The following KCNQ1 variants were observed in gnomAD, a reference collection of about 807,000 sequenced individuals.
The protein encoded by KCNQ1 is potassium voltage-gated channel subfamily Q member 1.
KCNQ1 carries 49 observed loss-of-function variants against 72.4 expected under a neutral mutation model. The ratio of observed to expected loss-of-function variants is 0.68; its 90% CI spans 0.54 to 0.86. KCNQ1 has a LOEUF of 0.86. Among genes scored for constraint, KCNQ1 ranks in the 40% least tolerant of loss-of-function variants. The pLI is 0.00. For missense variants in KCNQ1, 790 were observed against 945.1 expected (o/e 0.84, Z 2.15); for synonymous variants, 450 against 412.6 (o/e 1.09, Z -1.10).
intron 11 of KCNQ1, among the ~76,000 whole-genome samples, chr11:2,728,301 C>T (rs1845799568): frequency 6.6e-6 from 1 of 152,232 alleles, no homozygotes; most frequent in Non-Finnish European, 1.5e-5. Flanking sequence ...GGTGGCTGTG[C>T]TCTGAGGCCA....
chr11:2,540,616 A>C (rs914765829), intron 2 of KCNQ1, among the ~76,000 whole-genome samples: 32 of 152,230 alleles, frequency 2.1e-4, no homozygotes, highest in African/African-American at 7.7e-4. Flanking sequence ...GGAGGAGTGG[A>C]TGTTCCCTTC....
At chr11:2,584,447 GTGTT>G (rs1238933100) in intron 7 of KCNQ1, among the ~76,000 whole-genome samples, 1 of 151,394 alleles carries the variant, frequency 6.6e-6, no homozygotes, top group Non-Finnish European at 1.5e-5. Context: ...GCGTTAGTTT[GTGTT>G]TGTGTGTGTA....
Position 2,541,586 on chromosome 11 carries a change from C to T in KCNQ1, c.477+13568C>T, listed in dbSNP as rs190246879. On this transcript the variant is annotated intron_variant, in intron 2 of 15. Transcript: ENST00000155840. The surrounding 1 kb of genome is among the most constrained non-coding windows in gnomAD (Gnocchi z 4.8). ...ATTGAGGACAAAGCCATGGGGACGCCGTTTTCGGGATGCTTGTGAGCAGGG... is the reference window on the plus strand; with the variant it reads ...ATTGAGGACAAAGCCATGGGGACGCTGTTTTCGGGATGCTTGTGAGCAGGG... Among the ~76,000 whole-genome samples, 3 of 151,854 alleles carry T rather than the reference C, an allele frequency of 2.0e-5. No homozygotes were observed. Among genetic ancestry groups the T allele is most frequent in the Non-Finnish European group, 4.4e-5 (3 of 67,986 alleles).
intron 10 of KCNQ1, chr11:2,618,387 A>C (rs1189757919): frequency 2.5e-6 from 1 of 398,494 alleles, no homozygotes; most frequent in African/African-American, 2.1e-5. Flanking sequence ...TCCTGGGCTT[A>C]CATGTGGTCT....
intron 6 of KCNQ1, among the ~76,000 whole-genome samples, chr11:2,581,308 A>T (rs1848494940): frequency 6.6e-6 from 1 of 152,184 alleles, no homozygotes; most frequent in Non-Finnish European, 1.5e-5. Context: ...ACCAGGTGGA[A>T]GTCACTCCCC....
At chr11:2,448,345 C>G (rs1846074866) in intron 1 of KCNQ1, among the ~76,000 whole-genome samples, 1 of 152,228 alleles carries the variant, frequency 6.6e-6, no homozygotes, top group African/African-American at 2.4e-5. Context: ...TTCCCTGTTT[C>G]CCAAGAACTT....
At chr11:2,625,481 T>G (rs373939858) in intron 10 of KCNQ1, 8 of 398,606 alleles carry the variant, frequency 2.0e-5, no homozygotes, top group Middle Eastern at 6.3e-4. Flanking sequence ...GGTTTTGACT[T>G]GTATTTCCTA....
At chr11:2,530,349 C>T (rs1295208715) in intron 2 of KCNQ1, among the ~76,000 whole-genome samples, 1 of 152,256 alleles carries the variant, frequency 6.6e-6, no homozygotes, top group South Asian at 2.1e-4. Context: ...GGAGTGGGCA[C>T]GGCATGTCCT....
Position 2,642,134 on chromosome 11 carries a change from ATTT to A in KCNQ1, c.1394-19823_1394-19821del, listed in dbSNP as rs1849590048. On this transcript the variant is annotated intron_variant, in intron 10 of 15. Coordinates refer to ENST00000155840, the MANE Select transcript of KCNQ1 (RefSeq NM_000218.3). This position sits in a 1 kb window ranked among gnomAD's most constrained non-coding sequence, Gnocchi z 4.3. ...TTTTTGGTTCCATCTGAATTTTAGGATTTTTTCTATTTCCATGAAAAATGGCAT... is the reference window on the plus strand; with the variant it reads ...TTTTTGGTTCCATCTGAATTTTAGGATTTCTATTTCCATGAAAAATGGCAT... 5.0e-6 allele frequency: 2 copies of A among 398,020 alleles called. No individual in the cohort carries two copies. The highest frequency in any genetic ancestry group is 8.9e-6 in the Non-Finnish European group (2 of 225,866). 24.7% of individuals were successfully genotyped at this position (398,020 alleles called of 1,614,324 possible).
At position 2,592,520 on chromosome 11, in the gene KCNQ1, G is replaced by T. The variant is rs1168766041; in HGVS notation, c.1393+3666G>T. Among the ~76,000 whole-genome samples the T allele has an allele frequency of 6.6e-6, 1 of 152,200 alleles. No individual in the cohort carries two copies. Among genetic ancestry groups the T allele is most frequent in the Non-Finnish European group, 1.5e-5 (1 of 68,024 alleles). On this transcript the variant is annotated intron_variant, in intron 10 of 15. Transcript: ENST00000155840. This position sits in a 1 kb window ranked among gnomAD's most constrained non-coding sequence, Gnocchi z 5.2. ...TTCTGACCTGGGTGGGGAGGGAGGGGAATGTCAGCAGCCACCCAGCCCGAG... is the reference window on the plus strand; with the variant it reads ...TTCTGACCTGGGTGGGGAGGGAGGGTAATGTCAGCAGCCACCCAGCCCGAG...
rs1850028863 is a variant in KCNQ1, at chr11:2,664,548, G to A, written c.1514+2467G>A. The A allele has an allele frequency of 5.0e-6, 2 of 398,754 alleles. No individual in the cohort carries two copies. Among genetic ancestry groups the A allele is most frequent in the Non-Finnish European group, 8.8e-6 (2 of 226,166 alleles). 24.7% of individuals were successfully genotyped at this position (398,754 alleles called of 1,614,324 possible). A position where few individuals can be genotyped will look rare whatever the true frequency, so the allele number is the denominator to read the frequency against. ...GCCCAAACCGCCTGGCGGCAGGGGT[G>A]TGGGGGCCGTGCAGGTCTTCTGCCC... is the stretch of plus-strand genomic sequence containing the variant. On this transcript the variant is annotated intron_variant, in intron 11 of 15. Coordinates refer to ENST00000155840, the MANE Select transcript of KCNQ1 (RefSeq NM_000218.3). The surrounding 1 kb of genome is among the most constrained non-coding windows in gnomAD (Gnocchi z 5.1).
chr11:2,685,697 G>A (rs185453823), intron 11 of KCNQ1: 445 of 398,644 alleles, frequency 1.1e-3, no homozygotes, highest in African/African-American at 7.6e-3. Flanking sequence ...TCAGGCCTTC[G>A]GTCTGGGACC....
chr11:2,685,582 C>T (rs201777903), intron 11 of KCNQ1: 2 of 398,696 alleles, frequency 5.0e-6, no homozygotes, highest in East Asian at 3.6e-5. Context: ...CCATACAGCA[C>T]ATGACAGGAA....
At chr11:2,726,203 C>G (rs1845759711) in intron 11 of KCNQ1, among the ~76,000 whole-genome samples, 1 of 152,212 alleles carries the variant, frequency 6.6e-6, no homozygotes, top group Admixed American at 6.5e-5. Context: ...AGGGTGGGTC[C>G]CGGGCAGTGG....
At chr11:2,510,841 G>A (rs1018284012) in intron 1 of KCNQ1, among the ~76,000 whole-genome samples, 4 of 152,126 alleles carry the variant, frequency 2.6e-5, no homozygotes, top group African/African-American at 9.7e-5. Flanking sequence ...CAGTGTGAGC[G>A]AATCTCCCTG....
At chr11:2,504,584 C>T (rs1333412974) in intron 1 of KCNQ1, among the ~76,000 whole-genome samples, 1 of 152,070 alleles carries the variant, frequency 6.6e-6, no homozygotes, top group East Asian at 1.9e-4. Flanking sequence ...GGTGAAACCC[C>T]CTTCTCTACA....
At chr11:2,807,576 G>A (rs1464359819) in intron 15 of KCNQ1, among the ~76,000 whole-genome samples, 6 of 152,088 alleles carry the variant, frequency 3.9e-5, no homozygotes, top group Non-Finnish European at 7.4e-5. Context: ...GGCCCTCCTC[G>A]GGCCCAGCCT....
chr11:2,754,786 G>C (rs928952873), intron 11 of KCNQ1, among the ~76,000 whole-genome samples: 1 of 152,116 alleles, frequency 6.6e-6, no homozygotes, highest in Non-Finnish European at 1.5e-5. Context: ...TTATAACTCG[G>C]CATAGGGAAA....
chr11:2,726,494 A>C (rs1385027930), intron 11 of KCNQ1, among the ~76,000 whole-genome samples: 5 of 151,838 alleles, frequency 3.3e-5, no homozygotes, highest in Non-Finnish European at 7.4e-5. Context: ...CGGAGACACC[A>C]CCCACTGCAG....
Sources: allele counts gnomAD v4.1 joint callset (sites outside exome capture counted in the v4.1 genomes callset), GRCh38; gene constraint gnomAD v4.1.1; non-coding constraint Gnocchi (gnomAD v3.1); transcripts MANE v1.5; gene names NCBI Gene and HGNC (gene_info 2026-07-23, HGNC 2026-07-21).